Variants in NDUFAF6 observed in about 807,000 individuals in gnomAD.
NDUFAF6 encodes NADH dehydrogenase (ubiquinone) complex I, assembly factor 6.
Under a neutral mutation model 40.8 loss-of-function variants are expected in NDUFAF6, and 45 were observed. The observed-to-expected ratio is 1.10, with a 90% CI of 0.87 to 1.42. The LOEUF is 1.42. Among genes scored for constraint, NDUFAF6 ranks in the 40% most tolerant of loss-of-function variants. The pLI is 0.00. For missense variants in NDUFAF6, 435 were observed against 418.5 expected (o/e 1.04, Z -0.34); for synonymous variants, 185 against 155.9 (o/e 1.19, Z -1.39).
chr8:94,939,697 C>T, intron 1 of NDUFAF6: 1 of 1,038,624 alleles, frequency 9.6e-7, no homozygotes, highest in Non-Finnish European at 1.4e-6. Context: ...TGTGACTGGT[C>T]AACAAGTTAT....
intron 2 of NDUFAF6, among the ~76,000 whole-genome samples, chr8:94,998,425 C>T (rs1431609405): frequency 6.6e-6 from 1 of 151,488 alleles, no homozygotes; most frequent in East Asian, 1.9e-4. Flanking sequence ...CACGCAATGA[C>T]AGCATATTAA....
chr8:94,924,428 A>G (rs1432934509), intron 1 of NDUFAF6, among the ~76,000 whole-genome samples: 1 of 152,198 alleles, frequency 6.6e-6, no homozygotes, highest in Non-Finnish European at 1.5e-5. Context: ...TATTCAACTA[A>G]TCTATGCATA....
intron 2 of NDUFAF6, among the ~76,000 whole-genome samples, chr8:94,984,703 A>T (rs1825694454): frequency 6.6e-6 from 1 of 152,222 alleles, no homozygotes; most frequent in Non-Finnish European, 1.5e-5. Flanking sequence ...TTAAGAGTAG[A>T]CTTTATGTCT....
chr8:95,016,931 CTTTTTT>C (rs34316218), intron 2 of NDUFAF6, among the ~76,000 whole-genome samples: 15 of 108,024 alleles, frequency 1.4e-4, no homozygotes, highest in Non-Finnish European at 2.4e-4. Context: ...TCCTCCTCCT[CTTTTTT>C]TTTTTTTTTT....
chr8:94,955,976 A>G (rs1054089560), upstream of NDUFAF6, among the ~76,000 whole-genome samples: 1 of 152,364 alleles, frequency 6.6e-6, no homozygotes, highest in African/African-American at 2.4e-5. Flanking sequence ...TGGAAGCCAT[A>G]TAATCCATAA....
chr8:95,070,659 C>T (rs557826230), intron 9 of NDUFAF6, among the ~76,000 whole-genome samples: 3 of 152,174 alleles, frequency 2.0e-5, no homozygotes, highest in South Asian at 4.1e-4. Flanking sequence ...TCCATGAATT[C>T]AGAAGCTATA....
At chr8:94,985,160 C>G (rs547688253) in intron 2 of NDUFAF6, among the ~76,000 whole-genome samples, 1 of 152,074 alleles carries the variant, frequency 6.6e-6, no homozygotes, top group East Asian at 1.9e-4. Context: ...AAAAAAGACT[C>G]TATAGCAAAA....
chr8:95,058,165 G>C lies in NDUFAF6; in HGVS notation c.*228G>C, dbSNP rs1428446157. 7.0e-7 allele frequency: 1 copy of C among 1,429,880 alleles called. No homozygotes were observed. The highest frequency in any genetic ancestry group is 9.1e-7 in the Non-Finnish European group (1 of 1,101,810). The allele number at this position is 1,429,880 out of a possible 1,614,324, so 88.6% of individuals were successfully genotyped here. A position where few individuals can be genotyped will look rare whatever the true frequency, so the allele number is the denominator to read the frequency against. ...ACCCCTGGCCCAGACAGTGTCTGCT[G>C]TGCTGTCCCTGGAAGCTGGAGCTCC... On this transcript the variant is annotated 3_prime_UTR_variant, in exon 9 of 9. Transcript: ENST00000396124.
intron 2 of NDUFAF6, among the ~76,000 whole-genome samples, chr8:94,952,560 T>C (rs1466663306): frequency 2.6e-5 from 4 of 152,218 alleles, no homozygotes; most frequent in Admixed American, 2.6e-4. Context: ...TCTATTGTCT[T>C]AAGGGAAGAA....
chr8:95,079,065 C>T (rs1808733456), downstream of NDUFAF6, among the ~76,000 whole-genome samples: 1 of 151,964 alleles, frequency 6.6e-6, no homozygotes, highest in African/African-American at 2.4e-5. Context: ...ACCTCCATCT[C>T]CTCTGTTTAA....
intron 1 of NDUFAF6, among the ~76,000 whole-genome samples, chr8:94,968,914 CA>C (rs1824235029): frequency 6.6e-6 from 1 of 152,028 alleles, no homozygotes; most frequent in Non-Finnish European, 1.5e-5. Flanking sequence ...AAGGAGGAGT[CA>C]AAGATGACTG....
chr8:94,937,030 G>A (rs1036511145), intron 1 of NDUFAF6, among the ~76,000 whole-genome samples: 13 of 152,186 alleles, frequency 8.5e-5, no homozygotes, highest in African/African-American at 3.1e-4. Flanking sequence ...TGGGTCTTGA[G>A]AAGAAAAGAC....
chr8:95,055,345 A>G (rs1455090887), intron 8 of NDUFAF6: 2 of 152,106 alleles, frequency 1.3e-5, no homozygotes, highest in Admixed American at 1.3e-4. Flanking sequence ...TAATTCTAAC[A>G]CCAAAAGATA....
intron 1 of NDUFAF6, among the ~76,000 whole-genome samples, chr8:94,909,603 C>T (rs979475761): frequency 2.0e-5 from 3 of 151,022 alleles, no homozygotes; most frequent in Non-Finnish European, 3.0e-5. Flanking sequence ...TCCAGCCTGG[C>T]GACAGAGTGA....
rs765668707 is a variant in NDUFAF6 at position 95,032,000 on chromosome 8, G to A, written c.203G>A (p.Arg68Gln). The stretch of plus-strand genomic sequence containing the variant: ...TTTTTTTCTGTCTGTTACAGGAAAC[G>A]GGATTATGAAGGTTATTTATGCTCC... ...DHYCLELLRK[R>Q]DYEGYLCSLL... Residue 68 changes from arginine (R) to glutamine (Q), a missense_variant, in exon 2 of 9, where the codon CGG (arginine) becomes CAG (glutamine). Coordinates refer to ENST00000396124, the MANE Select transcript of NDUFAF6 (RefSeq NM_152416.4). 1.8e-5 allele frequency: 29 copies of A among 1,613,700 alleles called. No individual in the cohort carries two copies. The highest frequency in any genetic ancestry group is 1.3e-4 in the African/African-American group (10 of 74,886).
At chr8:95,098,100 C>G (rs1217522817), upstream of NDUFAF6, among the ~76,000 whole-genome samples, 2 of 152,058 alleles carry the variant, frequency 1.3e-5, no homozygotes, top group Admixed American at 1.3e-4. Context: ...GATCTGGAGT[C>G]CCTTTTGCTT....
chr8:95,053,367 T>TATC (rs1831660638), intron 8 of NDUFAF6, among the ~76,000 whole-genome samples: 1 of 152,220 alleles, frequency 6.6e-6, no homozygotes, highest in African/African-American at 2.4e-5. Flanking sequence ...TTATTCTGTA[T>TATC]CACCCTGTTT....
chr8:95,108,398 A>AAT (rs1809902444), downstream of NDUFAF6, among the ~76,000 whole-genome samples: 4 of 152,226 alleles, frequency 2.6e-5, no homozygotes, highest in Non-Finnish European at 5.9e-5. Context: ...ATTCTGATAC[A>AAT]TGCCATATTA....
In NDUFAF6 at chr8:95,025,055, G is replaced by A. The variant is rs1827915834; in HGVS notation, c.47G>A (p.Gly16Asp). The A allele has an allele frequency of 2.1e-6, 3 of 1,419,616 alleles. No homozygotes were observed. The highest frequency in any genetic ancestry group is 1.5e-5 in the South Asian group (1 of 65,468). The allele number at this position is 1,419,616 out of a possible 1,614,324, so 87.9% of individuals were successfully genotyped here. ...HGSVWGPLRL[G>D]IPGLCCRRPP... The stretch of plus-strand genomic sequence containing the variant: ...TCTGTCTGGGGGCCGTTGCGGCTTG[G>A]CATCCCCGGCCTGTGCTGCCGCCGG... The change falls in exon 1 of 9, where the codon GGC becomes GAC. Residue 16 changes from glycine to aspartate, a missense_variant. Coordinates refer to ENST00000396124, the MANE Select transcript of NDUFAF6 (RefSeq NM_152416.4).
Sources: gnomAD v4.1 joint callset for allele counts (sites outside exome capture counted in the v4.1 genomes callset) on GRCh38, gnomAD v4.1.1 for gene constraint, MANE v1.5 for transcripts, NCBI Gene and HGNC (gene_info 2026-07-23, HGNC 2026-07-21) for gene names.